PRAMEF20: variants seen among roughly 807,000 people sequenced by gnomAD.
PRAMEF20 encodes the protein PRAME family member 20/21.
Under a neutral mutation model 32.4 loss-of-function variants are expected in PRAMEF20, and 27 were observed. That is an observed-to-expected ratio of 0.83 (90% CI 0.61 to 1.15). The LOEUF (loss-of-function observed/expected upper bound fraction) is 1.15. PRAMEF20 is among the 50% of genes most tolerant of loss of function. PRAMEF20 has a pLI of 0.00. For missense variants in PRAMEF20, 604 were observed against 584.5 expected (o/e 1.03, Z -0.34); for synonymous variants, 256 against 235.4 (o/e 1.09, Z -0.80).
chr1:13,416,685 A>G lies in PRAMEF20; in HGVS notation c.287+44A>G, dbSNP rs960256535. The G allele has an allele frequency of 5.0e-6, 8 of 1,613,326 alleles. No homozygotes were observed. In the African/African-American group the frequency reaches 1.1e-4, roughly 22 times the overall value. ...GCTGGTGGGGAGGGCCCAGGTGTCC[A>G]ACAGAAGGAACAGCTGGGTCATGAG... On this transcript the variant is annotated intron_variant, in intron 1 of 2. Transcript: ENST00000602960.
chr1:13,416,123 GTGGC>G (rs1321304415), upstream of PRAMEF20, among the ~76,000 whole-genome samples: 2 of 152,250 alleles, frequency 1.3e-5, no homozygotes, highest in Admixed American at 1.3e-4. Flanking sequence ...AGGGCTAGTG[GTGGC>G]CCTGCCTCCT....
At chr1:13,418,413 C>G in exon 2 of PRAMEF20, 1 of 1,613,874 alleles carries the variant, frequency 6.2e-7, no homozygotes, top group Non-Finnish European at 8.5e-7. Flanking sequence ...TGCTCTTCCA[C>G]AATATCAGAA....
rs977916842 is a variant in PRAMEF20, at chr1:13,418,633, C to T, written c.799C>T (p.Arg267Cys). ...GTTCACCACTCAGTTCCTCAAGCTG[C>T]GCTGCCTCCAAAAGCTTTATATGAA... The change falls in exon 2 of 3, where the codon CGC (arginine) becomes TGC (cysteine). Residue 267 changes from arginine (R) to cysteine (C), a missense_variant. Transcript: ENST00000602960. 2.1e-4 allele frequency: 332 copies of T among 1,613,964 alleles called. 3 individuals carry two copies. In the South Asian group the frequency reaches 2.7e-3, roughly 13 times the overall value.
chr1:13,417,152 A>G (rs2100433701), intron 1 of PRAMEF20, among the ~76,000 whole-genome samples: 1 of 152,272 alleles, frequency 6.6e-6, no homozygotes, highest in African/African-American at 2.4e-5. Context: ...CGAAGCTTCC[A>G]CAGCGTGGAA....
chr1:13,418,010 G>C, intron 1 of PRAMEF20, 112 bp from the exon 3 acceptor site: 1 of 1,566,940 alleles, frequency 6.4e-7, no homozygotes, highest in Non-Finnish European at 8.7e-7. Context: ...TCCTGACCTT[G>C]TGATCCGCCC....
intron 1 of PRAMEF20, 144 bp from the exon 3 acceptor site, chr1:13,417,978 G>A: frequency 1.7e-6 from 2 of 1,180,878 alleles, no homozygotes; most frequent in Non-Finnish European, 2.4e-6. Flanking sequence ...GTTTCACCAT[G>A]CTAGCCAGGA....
chr1:13,416,307 T>G, upstream of PRAMEF20: 1 of 1,612,000 alleles, frequency 6.2e-7, no homozygotes, highest in African/African-American at 1.3e-5. Context: ...GAGTGATGCC[T>G]TTTCTCTGGA....
At chr1:13,418,902 G>T (rs1455168934) in intron 2 of PRAMEF20, among the ~76,000 whole-genome samples, 3 of 152,174 alleles carry the variant, frequency 2.0e-5, no homozygotes, top group Admixed American at 1.3e-4. Flanking sequence ...CTATAGAGAG[G>T]CTGCCATGCT....
upstream of PRAMEF20, among the ~76,000 whole-genome samples, chr1:13,414,338 C>T (rs1161618966): frequency 4.0e-5 from 6 of 151,468 alleles, no homozygotes; most frequent in South Asian, 2.1e-4. Context: ...GGATTACAGG[C>T]GTGAGCCACC....
exon 1 of PRAMEF20, chr1:13,416,540 C>T (rs1641175480): frequency 6.2e-7 from 1 of 1,614,168 alleles, no homozygotes; most frequent in Non-Finnish European, 8.5e-7. Flanking sequence ...GGCCTTTCCT[C>T]CGCCTTCCTC....
At chr1:13,412,633 T>C (rs1348491991), upstream of PRAMEF20, among the ~76,000 whole-genome samples, 4 of 149,242 alleles carry the variant, frequency 2.7e-5, no homozygotes, top group African/African-American at 9.9e-5. Context: ...GCTCCCACCC[T>C]TCATTTTCCT....
At chr1:13,410,784 C>A in the PRAMEF20 span, among the ~76,000 whole-genome samples, 1 of 151,764 alleles carries the variant, frequency 6.6e-6, no homozygotes, top group Non-Finnish European at 1.5e-5. Flanking sequence ...TCTCGGAGGT[C>A]AATGTGGGAG....
intron 2 of PRAMEF20, among the ~76,000 whole-genome samples, chr1:13,419,988 C>T (rs1424218275): frequency 1.3e-5 from 2 of 152,156 alleles, no homozygotes; most frequent in Non-Finnish European, 2.9e-5. Flanking sequence ...AGATGGTTTG[C>T]TGATGATACA....
exon 1 of PRAMEF20, chr1:13,416,584 C>T: frequency 6.2e-7 from 1 of 1,614,206 alleles, no homozygotes. Flanking sequence ...TGCCCAGAGA[C>T]CTTCCAAGCT....
chr1:13,414,208 ATTTTTTTTT>A (rs149194621), upstream of PRAMEF20, among the ~76,000 whole-genome samples: 33 of 123,282 alleles, frequency 2.7e-4, no homozygotes, highest in African/African-American at 7.0e-4. Context: ...CACCTGACTA[ATTTTTTTTT>A]TTTTTTTTTT....
At chr1:13,420,660 G>T in intron 2 of PRAMEF20, 37 bp from the exon 4 acceptor site, 1 of 1,613,490 alleles carries the variant, frequency 6.2e-7, no homozygotes. Context: ...TCACCCCTAC[G>T]ATTCCCCAGA....
chr1:13,421,087 T>C, exon 3 of PRAMEF20: 1 of 1,613,906 alleles, frequency 6.2e-7, no homozygotes, highest in Non-Finnish European at 8.5e-7. Context: ...GGGAGAGTTA[T>C]GATGTTCGTG....
Position 13,420,778 on chromosome 1 carries a change from C to T in PRAMEF20, c.948C>T (p.Tyr316=), listed in dbSNP as rs1177187849. 9 of 1,613,898 alleles carry T rather than the reference C, an allele frequency of 5.6e-6. No individual in the cohort carries two copies. The Admixed American group carries it at 1.5e-4, about 27-fold the overall frequency. ...CAGACTTGAAGCATCTGTCCAAGTA[C>T]CCGAGCATTGGTCAACTAAAGACCC... Residue 316 remains tyrosine (Y), a synonymous_variant, in exon 3 of 3, where the codon TAC becomes TAT. Coordinates refer to ENST00000602960, the Ensembl canonical transcript of PRAMEF20.
chr1:13,414,760 C>T (rs1462173158), upstream of PRAMEF20, among the ~76,000 whole-genome samples: 3 of 151,894 alleles, frequency 2.0e-5, no homozygotes, highest in Non-Finnish European at 2.9e-5. Flanking sequence ...CCACCGCACC[C>T]AGCCCCTTTA....
Sources: allele counts gnomAD v4.1 joint callset (sites outside exome capture counted in the v4.1 genomes callset), GRCh38; gene constraint gnomAD v4.1.1; transcripts MANE v1.5; gene names NCBI Gene and HGNC (gene_info 2026-07-23, HGNC 2026-07-21).